The following SLC44A5 variants were observed in gnomAD, a reference collection of about 807,000 sequenced individuals.
SLC44A5 encodes choline transporter-like protein 5.
Under a neutral mutation model 101.8 loss-of-function variants are expected in SLC44A5, and 57 were observed. That is an observed-to-expected ratio of 0.56 (90% CI 0.45 to 0.70). The LOEUF (loss-of-function observed/expected upper bound fraction) is 0.70, where lower values mean the gene tolerates loss of function less well. Among genes scored for constraint, SLC44A5 ranks in the 30% least tolerant of loss-of-function variants. The probability of loss-of-function intolerance (pLI) is 0.00; values close to 1 mark genes in which losing one functional copy is unlikely to be tolerated. For synonymous variants in SLC44A5, 281 were observed against 290.9 expected, an observed-to-expected ratio of 0.97 and a Z score of 0.35; for missense variants, 737 against 853.1, an observed-to-expected ratio of 0.86 and a Z score of 1.70.
chr1:75,439,648 C>T (rs1172497570), intron 2 of SLC44A5, among the ~76,000 whole-genome samples: 3 of 151,976 alleles, frequency 2.0e-5, no homozygotes, highest in South Asian at 2.1e-4. Context: ...AGATAATCCA[C>T]AATGCAGCTC....
intron 2 of SLC44A5, among the ~76,000 whole-genome samples, chr1:75,448,070 A>G (rs1287395736): frequency 6.6e-6 from 1 of 152,242 alleles, no homozygotes; most frequent in Non-Finnish European, 1.5e-5. Context: ...AATGTTTTCC[A>G]TCTCAGTGAA....
At position 75,264,527 on chromosome 1, in the gene SLC44A5, A is replaced by C. The variant is rs181854643; in HGVS notation, c.260+10431T>G. On this transcript the variant is annotated intron_variant, in intron 6 of 23. Coordinates refer to ENST00000370859, the MANE Select transcript of SLC44A5 (RefSeq NM_001130058.2). ...AACTATAAATAAATGGAAATTAAAT[A>C]ACATGCTTCTGAATGACCGTTAGGT... is the stretch of plus-strand genomic sequence containing the variant. Among the ~76,000 whole-genome samples the C allele has an allele frequency of 2.0e-5, 3 of 152,388 alleles. No individual in the cohort carries two copies. In the East Asian group the frequency reaches 5.8e-4, roughly 29 times the overall value.
chr1:75,713,682 G>A, the SLC44A5 span, among the ~76,000 whole-genome samples: 1 of 151,916 alleles, frequency 6.6e-6, no homozygotes, highest in Non-Finnish European at 1.5e-5. Flanking sequence ...ATTGTCCCTT[G>A]TGTAAGGACA....
At chr1:75,281,989 A>T (rs978745738) in intron 5 of SLC44A5, among the ~76,000 whole-genome samples, 1 of 152,198 alleles carries the variant, frequency 6.6e-6, no homozygotes, top group South Asian at 2.1e-4. Flanking sequence ...AGCTGTTAGA[A>T]GAGGCCCACC....
intron 1 of SLC44A5, among the ~76,000 whole-genome samples, chr1:75,590,441 A>G (rs1158837003): frequency 6.6e-6 from 1 of 152,172 alleles, no homozygotes; most frequent in African/African-American, 2.4e-5. Context: ...AGCCTCTGAG[A>G]CTTGCTGGCT....
intron 1 of SLC44A5, among the ~76,000 whole-genome samples, chr1:75,557,790 A>G (rs1432199706): frequency 6.6e-6 from 1 of 152,150 alleles, no homozygotes; most frequent in African/African-American, 2.4e-5. Context: ...TCAATGATCC[A>G]ATAGATAGAA....
chr1:75,220,056 T>A (rs867607749), intron 14 of SLC44A5, among the ~76,000 whole-genome samples, 164 bp from the exon 15 acceptor site: 15 of 152,322 alleles, frequency 9.8e-5, no homozygotes, highest in Admixed American at 7.8e-4. Flanking sequence ...TTACTTTTTT[T>A]AAAAGTACGT....
At chr1:75,665,261 A>G in the SLC44A5 span, among the ~76,000 whole-genome samples, 1 of 152,228 alleles carries the variant, frequency 6.6e-6, no homozygotes, top group Non-Finnish European at 1.5e-5. Flanking sequence ...ACAGACACAT[A>G]GGCCAATTGA....
chr1:75,477,445 A>G (rs554109553), intron 2 of SLC44A5, among the ~76,000 whole-genome samples: 2 of 152,328 alleles, frequency 1.3e-5, no homozygotes, highest in African/African-American at 4.8e-5. Context: ...CAGATGATCA[A>G]ACTACTCCGA....
intron 1 of SLC44A5, among the ~76,000 whole-genome samples, chr1:75,560,331 G>T (rs1056005538): frequency 6.6e-6 from 1 of 152,068 alleles, no homozygotes; most frequent in African/African-American, 2.4e-5. Context: ...TTCATACAAT[G>T]GAATAATATT....
the SLC44A5 span, among the ~76,000 whole-genome samples, chr1:75,683,034 T>G: frequency 2.0e-5 from 3 of 151,864 alleles, no homozygotes; most frequent in Admixed American, 6.6e-5. Context: ...ATCAGAGAAA[T>G]GCAAATCAAA....
chr1:75,206,480 C>T, intron 23 of SLC44A5: 2 of 646,032 alleles, frequency 3.1e-6, no homozygotes, highest in Non-Finnish European at 2.7e-6. Flanking sequence ...TCAGGTAGTA[C>T]CAGGTGCTGA....
Position 75,414,953 on chromosome 1 carries a change from A to T in SLC44A5, c.14-18332T>A, listed in dbSNP as rs866308186. Among the ~76,000 whole-genome samples the T allele has an allele frequency of 2.6e-5, 4 of 152,210 alleles. No homozygotes were observed. The South Asian group carries it at 6.2e-4, about 24-fold the overall frequency. The stretch of plus-strand genomic sequence containing the variant: ...ATTGAAGAGTTCTAAGCATGAAAAA[A>T]ATTGTATTTCTTTCAAAGACTATTC... On this transcript the variant is annotated intron_variant, in intron 2 of 23. Coordinates refer to ENST00000370859, the MANE Select transcript of SLC44A5 (RefSeq NM_001130058.2).
the SLC44A5 span, among the ~76,000 whole-genome samples, chr1:75,656,685 A>C: frequency 1.3e-5 from 2 of 152,216 alleles, no homozygotes; most frequent in African/African-American, 4.8e-5. Context: ...ATTAAAAACA[A>C]ACAGCAGAGA....
At chr1:75,309,811 A>T (rs1655167841) in intron 4 of SLC44A5, among the ~76,000 whole-genome samples, 1 of 152,190 alleles carries the variant, frequency 6.6e-6, no homozygotes, top group African/African-American at 2.4e-5. Flanking sequence ...AAAAACACAT[A>T]AAATGCTGTA....
Position 75,378,143 on chromosome 1 carries a change from G to A in SLC44A5, c.52+18440C>T, listed in dbSNP as rs1327721625. ...CAAGTCGACGAGAGATCCCAAGTACGTCTACAGTCAGCCTTACAGTAAGCT... is the reference window on the plus strand; with the variant it reads ...CAAGTCGACGAGAGATCCCAAGTACATCTACAGTCAGCCTTACAGTAAGCT... On this transcript the variant is annotated intron_variant, in intron 3 of 23. Coordinates refer to ENST00000370859, the MANE Select transcript of SLC44A5 (RefSeq NM_001130058.2). Among the ~76,000 whole-genome samples, 5 of 82,120 alleles carry A rather than the reference G, an allele frequency of 6.1e-5. 2 individuals are homozygous for A. Among genetic ancestry groups the A allele is most frequent in the Non-Finnish European group, 1.0e-4 (5 of 47,820 alleles). 53.9% of individuals were successfully genotyped at this position (82,120 alleles called of 152,430 possible).
intron 4 of SLC44A5, among the ~76,000 whole-genome samples, chr1:75,333,500 T>C (rs902145554): frequency 6.6e-6 from 1 of 151,734 alleles, no homozygotes; most frequent in Non-Finnish European, 1.5e-5. Flanking sequence ...GTCTACAAGT[T>C]ATTCCTGATA....
chr1:75,226,445 T>TA (rs1251081202), intron 13 of SLC44A5, among the ~76,000 whole-genome samples: 1 of 152,146 alleles, frequency 6.6e-6, no homozygotes, highest in Admixed American at 6.5e-5. Flanking sequence ...TAGTGTCCTA[T>TA]ATGGAAAATG....
chr1:75,364,820 C>G (rs1009062178), intron 3 of SLC44A5, among the ~76,000 whole-genome samples: 2 of 152,018 alleles, frequency 1.3e-5, no homozygotes, highest in African/African-American at 4.8e-5. Context: ...TTCCAATATC[C>G]TGTCATGGAG....
Sources: gnomAD v4.1 joint callset for allele counts (sites outside exome capture counted in the v4.1 genomes callset) on GRCh38, gnomAD v4.1.1 for gene constraint, MANE v1.5 for transcripts, NCBI Gene and HGNC (gene_info 2026-07-23, HGNC 2026-07-21) for gene names.